The following SARM1 variants were observed in gnomAD, a reference collection of about 807,000 sequenced individuals.
SARM1 encodes sterile alpha and TIR motif containing 1.
SARM1 carries 60 observed loss-of-function variants against 65.1 expected under a neutral mutation model. The ratio of observed to expected loss-of-function variants is 0.92; its 90% CI spans 0.75 to 1.14. The LOEUF (loss-of-function observed/expected upper bound fraction) is 1.14, where lower values mean the gene tolerates loss of function less well. Among genes scored for constraint, SARM1 ranks in the 50% most tolerant of loss-of-function variants. The pLI is 0.00. For synonymous variants in SARM1, 417 were observed against 465.4 expected (o/e 0.90, Z 1.34); for missense variants, 913 against 1,015.7 (o/e 0.90, Z 1.37).
chr17:28,387,623 T>C (rs1461088555), intron 5 of SARM1, among the ~76,000 whole-genome samples: 1 of 152,164 alleles, frequency 6.6e-6, no homozygotes, highest in African/African-American at 2.4e-5. Flanking sequence ...CCAGTATGTT[T>C]AGTAGGTAGA....
chr17:28,399,698 A>G lies in SARM1; in HGVS notation c.*3412A>G. On this transcript the variant is annotated 3_prime_UTR_variant, in exon 9 of 9. Transcript: ENST00000585482. ...ACTGCTGGAACTCGAGGTGAGGATC[A>G]GCCTTTTCCAGCATCCTGTGAGAGA... 2 of 1,613,980 alleles carry G rather than the reference A, an allele frequency of 1.2e-6. No homozygotes were observed. The highest frequency in any genetic ancestry group is 3.3e-4 in the Middle Eastern group (2 of 6,062).
chr17:28,379,599 C>T (rs781915153), intron 1 of SARM1, among the ~76,000 whole-genome samples: 27 of 152,192 alleles, frequency 1.8e-4, no homozygotes, highest in African/African-American at 3.4e-4. Context: ...CGTGAGCCAC[C>T]GCACCCGGCC....
In SARM1 at chr17:28,381,587, C is replaced by A; in HGVS notation, c.855C>A (p.Arg285=). Residue 285 remains arginine, a synonymous_variant, in exon 2 of 9, where the codon CGC becomes CGA. Transcript: ENST00000585482. ...AVLATNKEVE[R]EVERSGTLAL... ...TGGCGACTAACAAGGAGGTGGAGCG[C>A]GAGGTGGAGCGCTCGGGCACGCTGG... 1 of 1,589,980 alleles carries A rather than the reference C, an allele frequency of 6.3e-7. No individual in the cohort carries two copies. Among genetic ancestry groups the A allele is most frequent in the Non-Finnish European group, 8.6e-7 (1 of 1,169,362 alleles).
chr17:28,375,081 G>A (rs1472443623), intron 1 of SARM1, among the ~76,000 whole-genome samples: 2 of 151,490 alleles, frequency 1.3e-5, no homozygotes, highest in Non-Finnish European at 2.9e-5. Flanking sequence ...TTGTCAAGGA[G>A]CCTAGGTCAC....
rs939505362 is a variant in SARM1, at chr17:28,400,427, G to C, written c.*4141G>C. On this transcript the variant is annotated 3_prime_UTR_variant, in exon 9 of 9. Transcript: ENST00000585482. ...CTTCCTCCACCTAGCTCGCCATCTC[G>C]CCCTTGGAAAATGGCTCCTGGAGGA... 1 of 700,428 alleles carries C rather than the reference G, an allele frequency of 1.4e-6. No individual in the cohort carries two copies. Among genetic ancestry groups the C allele is most frequent in the Non-Finnish European group, 2.3e-6 (1 of 430,780 alleles). The allele number at this position is 700,428 out of a possible 1,614,324, so 43.4% of individuals were successfully genotyped here. A position where few individuals can be genotyped will look rare whatever the true frequency, so the allele number is the denominator to read the frequency against.
At chr17:28,393,562 CAA>C (rs1358169636) in intron 7 of SARM1, among the ~76,000 whole-genome samples, 8 of 133,670 alleles carry the variant, frequency 6.0e-5, no homozygotes, top group Admixed American at 1.5e-4. Context: ...TGCCCCCCGC[CAA>C]AAAAAAAAAA....
At chr17:28,395,088 G>A (rs1216351372) in intron 7 of SARM1, 2 of 151,652 alleles carry the variant, frequency 1.3e-5, no homozygotes, top group African/African-American at 4.8e-5. Flanking sequence ...ACCAATTCCT[G>A]TCAAGGCTCA....
chr17:28,374,824 CAGATT>C (rs1389502483), intron 1 of SARM1, among the ~76,000 whole-genome samples: 1 of 151,620 alleles, frequency 6.6e-6, no homozygotes, highest in Non-Finnish European at 1.5e-5. Flanking sequence ...AAAAAATATA[CAGATT>C]AGCCGGGCGT....
At chr17:28,392,278 A>G (rs1436626905) in intron 7 of SARM1, among the ~76,000 whole-genome samples, 3 of 150,568 alleles carry the variant, frequency 2.0e-5, no homozygotes, top group African/African-American at 7.3e-5. Flanking sequence ...TATCCAGCTA[A>G]TTTATATATA....
At position 28,399,916 on chromosome 17, in the gene SARM1, CA is replaced by C. The variant is rs41297119; in HGVS notation, c.*3631del. 328 of 568,652 alleles carry C rather than the reference CA, an allele frequency of 5.8e-4. No individual in the cohort carries two copies. In the African/African-American group the frequency reaches 5.9e-3, roughly 10 times the overall value. 35.2% of individuals were successfully genotyped at this position (568,652 alleles called of 1,614,324 possible). Reference sequence around the variant, plus strand: ...AAATAACTTTTTTTTTTTTAAGAGACAGGGTCTTGCTCTGTTGTCCAGGCTG... The same window carrying C: ...AAATAACTTTTTTTTTTTTAAGAGACGGGTCTTGCTCTGTTGTCCAGGCTG... On this transcript the variant is annotated 3_prime_UTR_variant, in exon 9 of 9. Coordinates refer to ENST00000585482, the MANE Select transcript of SARM1 (RefSeq NM_015077.4).
intron 7 of SARM1, among the ~76,000 whole-genome samples, chr17:28,393,684 T>C (rs1185018925): frequency 6.6e-6 from 1 of 152,150 alleles, no homozygotes; most frequent in African/African-American, 2.4e-5. Flanking sequence ...GATTCCAGAG[T>C]GCAGCCCTAA....
chr17:28,399,555 G>T lies in SARM1; in HGVS notation c.*3269G>T. The T allele has an allele frequency of 8.1e-7, 1 of 1,230,954 alleles. No homozygotes were observed. Among genetic ancestry groups the T allele is most frequent in the Non-Finnish European group, 1.2e-6 (1 of 845,270 alleles). The allele number at this position is 1,230,954 out of a possible 1,614,324, so 76.3% of individuals were successfully genotyped here. On this transcript the variant is annotated 3_prime_UTR_variant, in exon 9 of 9. Transcript: ENST00000585482. ...CAAAGAGAGCACTGCCCTTAGACAA[G>T]AGTTGCTTGTCCTGCTGTGGGCTGG...
At chr17:28,380,041 T>C (rs906325494) in intron 1 of SARM1, among the ~76,000 whole-genome samples, 6 of 137,232 alleles carry the variant, frequency 4.4e-5, no homozygotes, top group Admixed American at 7.8e-5. Flanking sequence ...AAACCCCTCA[T>C]TGATTTTTTT....
chr17:28,390,044 G>A (rs1329218670), intron 7 of SARM1, among the ~76,000 whole-genome samples: 3 of 152,176 alleles, frequency 2.0e-5, no homozygotes, highest in Non-Finnish European at 2.9e-5. Context: ...CTGAGAACAC[G>A]TGCCCAAGGT....
intron 7 of SARM1, among the ~76,000 whole-genome samples, chr17:28,390,659 G>A (rs539257733): frequency 2.0e-5 from 3 of 151,888 alleles, no homozygotes; most frequent in Admixed American, 2.0e-4. Flanking sequence ...AGGCTCCTTA[G>A]GTAGGAATTT....
At position 28,396,695 on chromosome 17, in the gene SARM1, G is replaced by A. The variant is rs2068128477; in HGVS notation, c.*409G>A. On this transcript the variant is annotated 3_prime_UTR_variant, in exon 9 of 9. Transcript: ENST00000585482. The stretch of plus-strand genomic sequence containing the variant: ...TTAAGGCAATGCCCAGGCGGGCCTG[G>A]GCACTGTATTCTGAGCAAGGGCCTG... 1 of 201,836 alleles carries A rather than the reference G, an allele frequency of 5.0e-6. No individual in the cohort carries two copies. The highest frequency in any genetic ancestry group is 1.0e-4 in the South Asian group (1 of 10,002). The allele number at this position is 201,836 out of a possible 1,614,324, so 12.5% of individuals were successfully genotyped here.
chr17:28,389,757 G>A lies in SARM1; in HGVS notation c.1923+1218G>A, dbSNP rs548801888. 1.5e-3 allele frequency among the ~76,000 whole-genome samples: 226 copies of A among 152,192 alleles called. 2 individuals are homozygous for A. The highest frequency in any genetic ancestry group is 0.014 in the Middle Eastern group (4 of 294). On this transcript the variant is annotated intron_variant, in intron 7 of 8. Coordinates refer to ENST00000585482, the MANE Select transcript of SARM1 (RefSeq NM_015077.4). ...ACAAAAATTAGCCAGGCATGGTGGC[G>A]CACACCTGTAATCCCAGCTACTCAG...
intron 1 of SARM1, among the ~76,000 whole-genome samples, chr17:28,374,657 C>T (rs1555584442): frequency 6.6e-6 from 1 of 152,164 alleles, no homozygotes; most frequent in Non-Finnish European, 1.5e-5. Context: ...CCTTCACCAA[C>T]CAAGCCCCCA....
At chr17:28,392,096 C>A (rs1232515133) in intron 7 of SARM1, among the ~76,000 whole-genome samples, 1 of 151,252 alleles carries the variant, frequency 6.6e-6, no homozygotes, top group African/African-American at 2.4e-5. Context: ...TTATCCCTTT[C>A]TTTTATTTAT....
Sources: gnomAD v4.1 joint callset for allele counts (sites outside exome capture counted in the v4.1 genomes callset) on GRCh38, gnomAD v4.1.1 for gene constraint, MANE v1.5 for transcripts, NCBI Gene and HGNC (gene_info 2026-07-23, HGNC 2026-07-21) for gene names.